Variants in PIP4K2A observed in about 807,000 individuals in gnomAD.
The protein encoded by PIP4K2A is phosphatidylinositol 5-phosphate 4-kinase type-2 alpha.
Under a neutral mutation model 42.9 loss-of-function variants are expected in PIP4K2A, and 14 were observed. The observed-to-expected ratio is 0.33, with a 90% CI of 0.22 to 0.51. PIP4K2A has a LOEUF of 0.51. Ranked by LOEUF, PIP4K2A falls within the 20% of genes least tolerant of loss-of-function variation. The pLI is 0.97. For missense variants in PIP4K2A, 434 were observed against 519.8 expected, an observed-to-expected ratio of 0.83 and a Z score of 1.61; for synonymous variants, 192 against 192.2, an observed-to-expected ratio of 1.00 and a Z score of 0.01.
At chr10:22,690,364 CTG>C (rs1346107162) in intron 1 of PIP4K2A, among the ~76,000 whole-genome samples, 1 of 152,190 alleles carries the variant, frequency 6.6e-6, no homozygotes, top group Non-Finnish European at 1.5e-5. Flanking sequence ...ATGCTACACT[CTG>C]TAAGTTAATA....
chr10:22,551,752 T>C (rs1325040597), intron 6 of PIP4K2A, among the ~76,000 whole-genome samples: 1 of 152,310 alleles, frequency 6.6e-6, no homozygotes, highest in East Asian at 1.9e-4. Flanking sequence ...CTCTTTTCTG[T>C]AGGTGTGAAC....
intron 6 of PIP4K2A, among the ~76,000 whole-genome samples, chr10:22,553,953 T>C (rs542038847): frequency 5.3e-5 from 8 of 152,022 alleles, no homozygotes; most frequent in Admixed American, 1.3e-4. Context: ...CTGGCTAACA[T>C]AGTGAGACTC....
chr10:22,636,013 C>A (rs146605323), intron 1 of PIP4K2A, among the ~76,000 whole-genome samples: 1 of 152,078 alleles, frequency 6.6e-6, no homozygotes, highest in African/African-American at 2.4e-5. Context: ...TAGAAGTAAT[C>A]GGCAAAGAGA....
intron 3 of PIP4K2A, among the ~76,000 whole-genome samples, chr10:22,605,956 A>G (rs1204563064): frequency 6.6e-6 from 1 of 152,064 alleles, no homozygotes; most frequent in African/African-American, 2.4e-5. Flanking sequence ...GCTTTTTACT[A>G]TTCTAATAAT....
Position 22,541,985 on chromosome 10 carries a change from T to A in PIP4K2A, c.855A>T (p.Arg285Ser). The A allele has an allele frequency of 6.2e-7, 1 of 1,613,962 alleles. No homozygotes were observed. The highest frequency in any genetic ancestry group is 8.5e-7 in the Non-Finnish European group (1 of 1,179,944). Residue 285 changes from arginine (R) to serine (S), a missense_variant, in exon 8 of 10, where the codon AGA (arginine) becomes AGT (serine). This residue lies in a region of PIP4K2A where 395 missense variants were observed against 444.5 expected (regional missense o/e 0.89). Transcript: ENST00000376573. ...SLLVGIHDVE[R>S]AEQEEVECEE... ...CACACTCCACTTCCTCCTGTTCGGC[T>A]CTCTCCACATCATGAATTCCCACCA...
At chr10:22,541,217 C>T (rs1008624463) in intron 8 of PIP4K2A, among the ~76,000 whole-genome samples, 5 of 152,178 alleles carry the variant, frequency 3.3e-5, no homozygotes, top group Non-Finnish European at 7.3e-5. Flanking sequence ...GGGAGGACAG[C>T]AGAGCCAGAC....
intron 6 of PIP4K2A, among the ~76,000 whole-genome samples, chr10:22,561,492 T>C (rs963582406): frequency 1.3e-5 from 2 of 150,246 alleles, no homozygotes; most frequent in African/African-American, 4.9e-5. Context: ...TAATGACTCA[T>C]ATGAAAGAAA....
At chr10:22,545,415 T>C (rs1435525212) in intron 7 of PIP4K2A, among the ~76,000 whole-genome samples, 1 of 152,228 alleles carries the variant, frequency 6.6e-6, no homozygotes, top group African/African-American at 2.4e-5. Flanking sequence ...AGGGGACAAC[T>C]GGGACTGGCC....
Position 22,550,661 on chromosome 10 carries a change from C to G in PIP4K2A, c.790G>C (p.Glu264Gln), listed in dbSNP as rs930333287. 6.6e-7 allele frequency: 1 copy of G among 1,511,256 alleles called. No individual in the cohort carries two copies. The highest frequency in any genetic ancestry group is 1.4e-5 in the African/African-American group (1 of 73,548). The allele number at this position is 1,511,256 out of a possible 1,614,324, so 93.6% of individuals were successfully genotyped here. A position where few individuals can be genotyped will look rare whatever the true frequency, so the allele number is the denominator to read the frequency against. The change falls in exon 7 of 10, where the codon GAG becomes CAG. Residue 264 changes from glutamate (E) to glutamine (Q), a missense_variant and splice_region_variant. Transcript: ENST00000376573. ...GCCTCTCCACTGACTGTTCTTACCTCAACATCCTTTTTTAGTTTTTCCAGG... is the reference window on the plus strand; with the variant it reads ...GCCTCTCCACTGACTGTTCTTACCTGAACATCCTTTTTTAGTTTTTCCAGG... The part of the protein sequence containing the change: ...VFLEKLKKDV[E>Q]FLAQLKLMDY...
chr10:22,555,619 C>T (rs909994732), intron 6 of PIP4K2A, among the ~76,000 whole-genome samples: 4 of 152,130 alleles, frequency 2.6e-5, no homozygotes, highest in South Asian at 2.1e-4. Flanking sequence ...ATTAATAATA[C>T]TGTACCTATG....
At position 22,650,400 on chromosome 10, in the gene PIP4K2A, G is replaced by A. The variant is rs151159635; in HGVS notation, c.145-40683C>T. Among the ~76,000 whole-genome samples, 196 of 152,164 alleles carry A rather than the reference G, an allele frequency of 1.3e-3. 5 individuals are homozygous for A. The East Asian group carries it at 0.03, about 23-fold the overall frequency. On this transcript the variant is annotated intron_variant, in intron 1 of 9. Coordinates refer to ENST00000376573, the MANE Select transcript of PIP4K2A (RefSeq NM_005028.5). ...CCTCCGGAGTAGCTGGGACTACAGG[G>A]GCATGACACTACACCCAGCTAATTT...
chr10:22,586,720 G>A (rs1437228582), intron 4 of PIP4K2A, among the ~76,000 whole-genome samples: 1 of 151,962 alleles, frequency 6.6e-6, no homozygotes, highest in Non-Finnish European at 1.5e-5. Flanking sequence ...TAGTAGAGAT[G>A]AGGTTTCACC....
intron 1 of PIP4K2A, among the ~76,000 whole-genome samples, chr10:22,687,700 A>G (rs1839791133): frequency 6.6e-6 from 1 of 152,230 alleles, no homozygotes; most frequent in African/African-American, 2.4e-5. Context: ...AGCTTTGCAT[A>G]TAATCTGCAC....
chr10:22,657,141 A>T (rs1839116892), intron 1 of PIP4K2A, among the ~76,000 whole-genome samples: 1 of 152,340 alleles, frequency 6.6e-6, no homozygotes, highest in Non-Finnish European at 1.5e-5. Flanking sequence ...TATATCAAAC[A>T]TCTGTGTCTT....
intron 3 of PIP4K2A, among the ~76,000 whole-genome samples, chr10:22,596,602 T>C (rs1017033627): frequency 1.3e-5 from 2 of 152,224 alleles, no homozygotes; most frequent in African/African-American, 4.8e-5. Flanking sequence ...AATCACAGCA[T>C]GATGTTGGAT....
Position 22,536,725 on chromosome 10 carries a change from A to AAAAAAAAAAAAAAAAAAAC in PIP4K2A, c.*475_*476insGTTTTTTTTTTTTTTTTTT, listed in dbSNP as rs1554791611. On this transcript the variant is annotated 3_prime_UTR_variant, in exon 10 of 10. Transcript: ENST00000376573. ...ACATCTTTCAACTCCAAAAAAAAAAAAAAAAAAAAAAAACTGATCCACAGT... is the reference window on the plus strand; with the variant it reads ...ACATCTTTCAACTCCAAAAAAAAAAAAAAAAAAAAAAAAAAAAACAAAAAAAAAAAAACTGATCCACAGT... 8.1e-5 allele frequency: 10 copies of AAAAAAAAAAAAAAAAAAAC among 124,206 alleles called. 1 individual carries two copies. Among genetic ancestry groups the AAAAAAAAAAAAAAAAAAAC allele is most frequent in the South Asian group, 2.7e-4 (1 of 3,692 alleles). 7.7% of individuals were successfully genotyped at this position (124,206 alleles called of 1,614,324 possible).
intron 6 of PIP4K2A, among the ~76,000 whole-genome samples, chr10:22,562,691 CT>C (rs1836741851): frequency 6.6e-6 from 1 of 152,194 alleles, no homozygotes; most frequent in Non-Finnish European, 1.5e-5. Context: ...TGAATGACGA[CT>C]TTCCCCTGGG....
chr10:22,599,437 A>G (rs1837703844), intron 3 of PIP4K2A, among the ~76,000 whole-genome samples: 1 of 152,202 alleles, frequency 6.6e-6, no homozygotes, highest in South Asian at 2.1e-4. Context: ...TGGCCCAAAC[A>G]TTGATCTTTC....
At chr10:22,656,028 C>T (rs906904209) in intron 1 of PIP4K2A, among the ~76,000 whole-genome samples, 1 of 152,206 alleles carries the variant, frequency 6.6e-6, no homozygotes, top group Non-Finnish European at 1.5e-5. Flanking sequence ...GGGCAAGTTC[C>T]TATCGATCTG....
Sources: gnomAD v4.1 joint callset for allele counts (sites outside exome capture counted in the v4.1 genomes callset) on GRCh38, gnomAD v4.1.1 for gene constraint, gnomAD v4.1.1 regional missense constraint, MANE v1.5 for transcripts, NCBI Gene and HGNC (gene_info 2026-07-23, HGNC 2026-07-21) for gene names.